ZNF609: variants seen among roughly 807,000 people sequenced by gnomAD.
The protein encoded by ZNF609 is zinc finger protein 609.
Under a neutral mutation model 109.5 loss-of-function variants are expected in ZNF609, and 11 were observed. That is an observed-to-expected ratio of 0.10 (90% confidence interval 0.06 to 0.17). The LOEUF (loss-of-function observed/expected upper bound fraction) is 0.17, where lower values mean the gene tolerates loss of function less well. ZNF609 is among the 10% of genes least tolerant of loss of function. The pLI, the probability that ZNF609 is intolerant of heterozygous loss-of-function variation, is 1.00. For synonymous variants in ZNF609, 646 were observed against 662.0 expected (o/e 0.98, Z 0.37); for missense variants, 1,559 against 1,772.4 (o/e 0.88, Z 2.16).
At chr15:64,609,157 C>CTCTT (rs1429157618) in intron 2 of ZNF609, among the ~76,000 whole-genome samples, 2 of 84,388 alleles carry the variant, frequency 2.4e-5, no homozygotes, top group Non-Finnish European at 5.1e-5. Flanking sequence ...TTCTCTCTCT[C>CTCTT]TCTTTCTTTC....
At chr15:64,681,503 A>C in intron 9 of ZNF609, 116 bp downstream of exon 9, 1 of 835,880 alleles carries the variant, frequency 1.2e-6, no homozygotes. Flanking sequence ...GAATCCATGG[A>C]ACCCTGGCCA....
At chr15:64,570,991 A>G (rs1183599404) in intron 2 of ZNF609, among the ~76,000 whole-genome samples, 2 of 152,148 alleles carry the variant, frequency 1.3e-5, no homozygotes, top group East Asian at 3.8e-4. Flanking sequence ...ATGCCACTGC[A>G]CTCCAGCCGG....
At chr15:64,463,824 T>G (rs961437341) in intron 1 of ZNF609, among the ~76,000 whole-genome samples, 1 of 152,228 alleles carries the variant, frequency 6.6e-6, no homozygotes, top group Non-Finnish European at 1.5e-5. Context: ...AATATTTGAG[T>G]GAAGCCTCAG....
At chr15:64,591,226 G>A (rs955114061) in intron 2 of ZNF609, among the ~76,000 whole-genome samples, 1 of 152,084 alleles carries the variant, frequency 6.6e-6, no homozygotes, top group African/African-American at 2.4e-5. Flanking sequence ...TCAAGAGATC[G>A]AGACCATCCT....
At chr15:64,649,294 CAGTT>C (rs1209860379) in intron 3 of ZNF609, among the ~76,000 whole-genome samples, 2 of 152,056 alleles carry the variant, frequency 1.3e-5, no homozygotes, top group African/African-American at 4.8e-5. Flanking sequence ...AGGATGTTGT[CAGTT>C]AGGCTTACTA....
At chr15:64,659,766 C>T (rs1896546621) in intron 3 of ZNF609, among the ~76,000 whole-genome samples, 1 of 151,786 alleles carries the variant, frequency 6.6e-6, no homozygotes, top group Admixed American at 6.6e-5. Context: ...CCCCAACTTA[C>T]GAATGGTTTG....
At chr15:64,614,171 T>C (rs1229967575) in intron 2 of ZNF609, among the ~76,000 whole-genome samples, 2 of 151,998 alleles carry the variant, frequency 1.3e-5, no homozygotes, top group Non-Finnish European at 2.9e-5. Flanking sequence ...TCTGCCCACC[T>C]TGGACTCCCA....
chr15:64,541,027 C>CA (rs1287975678), intron 2 of ZNF609, among the ~76,000 whole-genome samples: 5,673 of 53,156 alleles, frequency 0.11, 291 homozygotes, highest in African/African-American at 0.15. Flanking sequence ...GACTCTGTCT[C>CA]AAAAAAAAAA....
chr15:64,585,033 ATCCAT>A, intron 2 of ZNF609, among the ~76,000 whole-genome samples: 1 of 151,520 alleles, frequency 6.6e-6, no homozygotes, highest in Admixed American at 6.6e-5. Flanking sequence ...ATGGGTTAAA[ATCCAT>A]CCTGGGCCGG....
chr15:64,573,785 T>C (rs1894902971), intron 2 of ZNF609, among the ~76,000 whole-genome samples: 1 of 152,172 alleles, frequency 6.6e-6, no homozygotes, highest in African/African-American at 2.4e-5. Context: ...TCAAACTCTG[T>C]GCAAGGGAGT....
intron 3 of ZNF609, among the ~76,000 whole-genome samples, chr15:64,660,670 C>T (rs2141004447): frequency 6.6e-6 from 1 of 152,196 alleles, no homozygotes; most frequent in South Asian, 2.1e-4. Context: ...CTCACTCTTC[C>T]CCTCATTTAT....
At chr15:64,584,960 A>G (rs989862686) in intron 2 of ZNF609, among the ~76,000 whole-genome samples, 10 of 151,394 alleles carry the variant, frequency 6.6e-5, no homozygotes, top group African/African-American at 2.4e-4. Flanking sequence ...TAAATAAGGA[A>G]CTAGACTCTC....
intron 3 of ZNF609, chr15:64,631,365 C>T (rs1896073335): frequency 1.7e-5 from 12 of 722,246 alleles, no homozygotes; most frequent in South Asian, 1.6e-4. Context: ...TGTTTGTTTA[C>T]AACAATGCCA....
intron 1 of ZNF609, among the ~76,000 whole-genome samples, chr15:64,486,562 AATAG>A (rs2140341092): frequency 6.6e-6 from 1 of 152,182 alleles, no homozygotes; most frequent in Non-Finnish European, 1.5e-5. Context: ...CTATCCAAAT[AATAG>A]ATAAATTATT....
At chr15:64,574,662 C>G (rs569991774) in intron 2 of ZNF609, among the ~76,000 whole-genome samples, 38 of 152,288 alleles carry the variant, frequency 2.5e-4, no homozygotes, top group Non-Finnish European at 4.4e-4. Flanking sequence ...ATAACCTGCT[C>G]TCATTGGGAT....
rs1306986646 is a variant in ZNF609 at position 64,543,239 on chromosome 15, CTG to C, written c.747+43075_747+43076del. 9.1e-5 allele frequency among the ~76,000 whole-genome samples: 13 copies of C among 143,590 alleles called. No individual in the cohort carries two copies. In the East Asian group the frequency reaches 2.4e-3, roughly 27 times the overall value. 94.2% of individuals were successfully genotyped at this position (143,590 alleles called of 152,430 possible). ...CAGCTCTTCAGAATTCCATCCCAGT[CTG>C]TTTTTTGTTGTTGCTTTTTTTTTTT... On this transcript the variant is annotated intron_variant, in intron 2 of 9. Transcript: ENST00000326648.
chr15:64,609,066 T>TTCTTTCTTTC (rs1326717982), intron 2 of ZNF609, among the ~76,000 whole-genome samples: 275 of 22,986 alleles, frequency 0.012, 4 homozygotes, highest in African/African-American at 0.031. Context: ...GTTTTAATTT[T>TTCTTTCTTTC]TCTTTCTTTC....
intron 1 of ZNF609, among the ~76,000 whole-genome samples, chr15:64,471,102 C>T (rs1162546393): frequency 6.6e-6 from 1 of 152,090 alleles, no homozygotes. Flanking sequence ...TGGCTCACAC[C>T]TGTAATTCCC....
At chr15:64,478,628 C>G (rs1482078175) in intron 1 of ZNF609, among the ~76,000 whole-genome samples, 1 of 152,090 alleles carries the variant, frequency 6.6e-6, no homozygotes, top group Non-Finnish European at 1.5e-5. Flanking sequence ...TCCCCCACTT[C>G]CCAGACTCCC....
Sources: allele counts gnomAD v4.1 joint callset (sites outside exome capture counted in the v4.1 genomes callset), GRCh38; gene constraint gnomAD v4.1.1; transcripts MANE v1.5; gene names NCBI Gene and HGNC (gene_info 2026-07-23, HGNC 2026-07-21).